ARHGAP21: variants seen among roughly 807,000 people sequenced by gnomAD.
ARHGAP21 encodes Rho GTPase activating protein 21.
In ARHGAP21, 38 loss-of-function variants were observed where a neutral mutation model predicts 164.6. The ratio of observed to expected loss-of-function variants is 0.23; its 90% CI spans 0.18 to 0.30. The LOEUF is 0.30. ARHGAP21 is among the 10% of genes least tolerant of loss of function. The pLI, the probability that ARHGAP21 is intolerant of heterozygous loss-of-function variation, is 1.00. For missense variants in ARHGAP21, 1,822 were observed against 2,370.7 expected, an observed-to-expected ratio of 0.77 and a Z score of 4.81; for synonymous variants, 766 against 857.9, an observed-to-expected ratio of 0.89 and a Z score of 1.87.
chr10:24,642,908 T>C (rs1341333634), intron 4 of ARHGAP21, among the ~76,000 whole-genome samples: 1 of 152,206 alleles, frequency 6.6e-6, no homozygotes, highest in African/African-American at 2.4e-5. Flanking sequence ...AAATGTTTGC[T>C]AATTAAAATT....
chr10:24,709,627 C>A (rs1290269252), intron 2 of ARHGAP21, among the ~76,000 whole-genome samples: 1 of 151,836 alleles, frequency 6.6e-6, no homozygotes, highest in Non-Finnish European at 1.5e-5. Context: ...GTAGTCCCAG[C>A]TACTCAGGAG....
chr10:24,638,734 G>GA (rs1261332338), intron 4 of ARHGAP21, among the ~76,000 whole-genome samples: 2 of 152,294 alleles, frequency 1.3e-5, no homozygotes, highest in Admixed American at 1.3e-4. Context: ...CTTATCAAAA[G>GA]AGAGTGTGCC....
chr10:24,679,997 T>C (rs188653761), intron 2 of ARHGAP21, among the ~76,000 whole-genome samples: 5 of 152,054 alleles, frequency 3.3e-5, no homozygotes, highest in East Asian at 1.9e-4. Flanking sequence ...TGTGTTCTCA[T>C]TGTTCAATTC....
chr10:24,614,470 CT>C (rs1231526280), intron 9 of ARHGAP21, among the ~76,000 whole-genome samples: 3 of 152,170 alleles, frequency 2.0e-5, no homozygotes, highest in African/African-American at 2.4e-5. Flanking sequence ...CCAAAGTCTA[CT>C]TTAGTGAAAC....
chr10:24,585,615 C>A lies in ARHGAP21; in HGVS notation c.4674G>T (p.Leu1558=). 6.2e-7 allele frequency: 1 copy of A among 1,614,136 alleles called. No individual in the cohort carries two copies. Among genetic ancestry groups the A allele is most frequent in the Non-Finnish European group, 8.5e-7 (1 of 1,180,026 alleles). Residue 1558 remains leucine, a synonymous_variant, in exon 26 of 26, where the codon CTG becomes CTT. Coordinates refer to ENST00000396432, the MANE Select transcript of ARHGAP21 (RefSeq NM_020824.4). ...TTGATTTCTTCATGGAAAACCTTGC[C>A]AGGGAGGCCTGGGAAGACGTGCTGA... ...TLLSTSSQAS[L]ARFSMKKSTS...
chr10:24,682,446 C>G (rs1841857906), intron 2 of ARHGAP21, among the ~76,000 whole-genome samples: 1 of 152,158 alleles, frequency 6.6e-6, no homozygotes, highest in Admixed American at 6.5e-5. Flanking sequence ...TTAAATTACT[C>G]TATCCATAGT....
intron 4 of ARHGAP21, chr10:24,648,831 C>T: frequency 2.0e-6 from 2 of 984,374 alleles, no homozygotes; most frequent in African/African-American, 3.5e-5. Flanking sequence ...ATATTCTTAC[C>T]ATCACAGCCC....
At chr10:24,591,060 TAATTC>T (rs1407522060) in intron 24 of ARHGAP21, 160 bp downstream of exon 24, 3 of 554,076 alleles carry the variant, frequency 5.4e-6, no homozygotes, top group Non-Finnish European at 6.9e-6. Context: ...CACTGGAAGA[TAATTC>T]AGATCAATTG....
chr10:24,623,534 G>T (rs1308097504), intron 7 of ARHGAP21, among the ~76,000 whole-genome samples: 1 of 152,216 alleles, frequency 6.6e-6, no homozygotes, highest in Non-Finnish European at 1.5e-5. Context: ...CATTTTGGGT[G>T]TGTGCATTGA....
At chr10:24,704,048 A>G (rs1041484463) in intron 2 of ARHGAP21, among the ~76,000 whole-genome samples, 1 of 152,172 alleles carries the variant, frequency 6.6e-6, no homozygotes, top group African/African-American at 2.4e-5. Flanking sequence ...TGATCTGACA[A>G]CAGTGGGTAC....
chr10:24,692,683 G>C (rs1842849085), intron 2 of ARHGAP21, among the ~76,000 whole-genome samples: 1 of 151,950 alleles, frequency 6.6e-6, no homozygotes. Flanking sequence ...AATACAAAAA[G>C]TAGCTGGGAG....
chr10:24,642,800 G>C (rs987215306), intron 4 of ARHGAP21, among the ~76,000 whole-genome samples: 1 of 152,206 alleles, frequency 6.6e-6, no homozygotes, highest in African/African-American at 2.4e-5. Context: ...CTCTACCTAT[G>C]TATTCAAGTT....
intron 8 of ARHGAP21, 119 bp downstream of exon 8, chr10:24,622,614 T>A: frequency 9.4e-7 from 1 of 1,069,502 alleles, no homozygotes; most frequent in South Asian, 1.7e-5. Context: ...TTAGTAAGAT[T>A]AACACGATAG....
At chr10:24,594,916 A>G (rs777658036) in intron 21 of ARHGAP21, 34 bp downstream of exon 21, 4 of 1,528,964 alleles carry the variant, frequency 2.6e-6, no homozygotes, top group Non-Finnish European at 3.6e-6. Context: ...TAAAGCCACT[A>G]AAAGTACATT....
At chr10:24,597,635 A>G (rs762589126) in intron 15 of ARHGAP21, 52 bp from the exon 16 acceptor site, 27 of 1,600,988 alleles carry the variant, frequency 1.7e-5, no homozygotes, top group South Asian at 5.6e-5. Context: ...CCCTCTATCT[A>G]TGGTTTCAGT....
In ARHGAP21 at chr10:24,667,025, T is replaced by C. The variant is rs1403278101; in HGVS notation, c.244-16A>G. The C allele has an allele frequency of 1.6e-6, 2 of 1,255,210 alleles. No homozygotes were observed. Among genetic ancestry groups the C allele is most frequent in the African/African-American group, 3.1e-5 (2 of 65,442 alleles). 77.8% of individuals were successfully genotyped at this position (1,255,210 alleles called of 1,614,324 possible). A position where few individuals can be genotyped will look rare whatever the true frequency, so the allele number is the denominator to read the frequency against. On this transcript the variant is annotated splice_polypyrimidine_tract_variant and intron_variant, in intron 3 of 25. Coordinates refer to ENST00000396432, the MANE Select transcript of ARHGAP21 (RefSeq NM_020824.4). ...TTTCTTCATCCTACAAATGAAAATA[T>C]ATATATACATATATGAGTACATATT...
intron 14 of ARHGAP21, among the ~76,000 whole-genome samples, chr10:24,598,962 T>C (rs1384079008): frequency 6.6e-6 from 1 of 152,228 alleles, no homozygotes; most frequent in Admixed American, 6.5e-5. Flanking sequence ...CACATTCATA[T>C]GGTTGCTGAG....
chr10:24,665,771 C>G (rs1191385708), intron 4 of ARHGAP21, among the ~76,000 whole-genome samples: 1 of 152,106 alleles, frequency 6.6e-6, no homozygotes, highest in Non-Finnish European at 1.5e-5. Context: ...CACGTATGAC[C>G]TTGAACTAGG....
intron 9 of ARHGAP21, among the ~76,000 whole-genome samples, chr10:24,609,926 T>C (rs1268550918): frequency 2.6e-5 from 4 of 152,252 alleles, no homozygotes; most frequent in African/African-American, 4.8e-5. Flanking sequence ...AATATTCTGT[T>C]AGATGAAAAT....
Sources: gnomAD v4.1 joint callset for allele counts (sites outside exome capture counted in the v4.1 genomes callset) on GRCh38, gnomAD v4.1.1 for gene constraint, MANE v1.5 for transcripts, NCBI Gene and HGNC (gene_info 2026-07-23, HGNC 2026-07-21) for gene names.